ABL2: variants seen among roughly 807,000 people sequenced by gnomAD.
The protein encoded by ABL2 is ABL proto-oncogene 2, non-receptor tyrosine kinase.
ABL2 carries 49 observed loss-of-function variants against 107.7 expected under a neutral mutation model. That is an observed-to-expected ratio of 0.45 (90% CI 0.36 to 0.58). The LOEUF (loss-of-function observed/expected upper bound fraction) is 0.58, where lower values mean the gene tolerates loss of function less well. Ranked by LOEUF, ABL2 falls within the 20% of genes least tolerant of loss-of-function variation. The pLI, the probability that ABL2 is intolerant of heterozygous loss-of-function variation, is 0.00. For missense variants in ABL2, 1,245 were observed against 1,457.0 expected (o/e 0.85, Z 2.37); for synonymous variants, 549 against 548.6 (o/e 1.00, Z -0.01).
chr1:179,198,179 A>C (rs1661432590), intron 1 of ABL2, among the ~76,000 whole-genome samples: 1 of 151,764 alleles, frequency 6.6e-6, no homozygotes, highest in Non-Finnish European at 1.5e-5. Flanking sequence ...TGCCAAAAAA[A>C]AAAAAAAAAA....
chr1:179,220,424 A>G (rs1350438651), intron 1 of ABL2, among the ~76,000 whole-genome samples: 1 of 152,220 alleles, frequency 6.6e-6, no homozygotes, highest in East Asian at 1.9e-4. Flanking sequence ...CGTTTAAAGC[A>G]GGTTGAGCAC....
At chr1:179,174,669 G>A (rs1336783326) in intron 1 of ABL2, among the ~76,000 whole-genome samples, 2 of 151,704 alleles carry the variant, frequency 1.3e-5, no homozygotes, top group African/African-American at 4.8e-5. Context: ...TACTGGGGCT[G>A]AGCACAGTGG....
chr1:179,213,046 CAAAAAAA>C (rs368969682), intron 1 of ABL2, among the ~76,000 whole-genome samples: 1 of 81,256 alleles, frequency 1.2e-5, no homozygotes, highest in Non-Finnish European at 2.7e-5. Flanking sequence ...AACTCCGTCT[CAAAAAAA>C]AAAAAAAAAA....
intron 5 of ABL2, 73 bp from the exon 6 acceptor site, chr1:179,120,347 C>T: frequency 3.5e-6 from 3 of 863,230 alleles, no homozygotes; most frequent in Non-Finnish European, 5.5e-6. Flanking sequence ...TTTCATTCAT[C>T]TCACAATCAT....
intron 1 of ABL2, among the ~76,000 whole-genome samples, chr1:179,141,764 T>C (rs1045998479): frequency 2.6e-5 from 4 of 152,224 alleles, no homozygotes; most frequent in African/African-American, 7.2e-5. Context: ...ACAATCTGTC[T>C]GCACAGGATA....
At chr1:179,113,889 G>A (rs1206971168) in intron 9 of ABL2, among the ~76,000 whole-genome samples, 5 of 151,292 alleles carry the variant, frequency 3.3e-5, no homozygotes, top group African/African-American at 9.7e-5. Context: ...AGCCGAGATC[G>A]CGCCACTGCA....
intron 1 of ABL2, among the ~76,000 whole-genome samples, chr1:179,207,349 A>T (rs571755042): frequency 1.3e-5 from 2 of 152,168 alleles, no homozygotes; most frequent in Admixed American, 6.5e-5. Flanking sequence ...ACTATACATT[A>T]TAAGTCCAGA....
At chr1:179,229,210 C>CCCCCCCCCCCGGG in intron 1 of ABL2, 31 bp downstream of exon 1, 1 of 1,489,018 alleles carries the variant, frequency 6.7e-7, no homozygotes, top group East Asian at 2.8e-5. Context: ...GCCTCCCCCA[C>CCCCCCCCCCCGGG]GCTCTCATGC....
chr1:179,171,685 G>C (rs1388224429), intron 1 of ABL2, among the ~76,000 whole-genome samples: 1 of 152,096 alleles, frequency 6.6e-6, no homozygotes, highest in Non-Finnish European at 1.5e-5. Flanking sequence ...ACCATGCCCA[G>C]CTAACTATTT....
At position 179,108,904 on chromosome 1, in the gene ABL2, G is replaced by A. The variant is rs2102578307; in HGVS notation, c.2363C>T (p.Ser788Phe). 1.2e-6 allele frequency: 2 copies of A among 1,614,196 alleles called. No individual in the cohort carries two copies. Among genetic ancestry groups the A allele is most frequent in the Non-Finnish European group, 1.7e-6 (2 of 1,180,040 alleles). Residue 788 changes from serine to phenylalanine, a missense_variant, in exon 12 of 12, where the codon TCC (serine) becomes TTC (phenylalanine). Physicochemically the swap from Ser to Phe is radical, Grantham distance 155. Transcript: ENST00000502732. ...CCTATCCTGCTCTGGAAGCCCTGAG[G>A]ACATGGAAGATGTAGAGTTTGACCT... ...FPRSNSTSSM[S>F]SGLPEQDRMA...
chr1:179,222,879 G>A (rs1424780860), intron 1 of ABL2, among the ~76,000 whole-genome samples: 2 of 151,948 alleles, frequency 1.3e-5, no homozygotes, highest in African/African-American at 4.8e-5. Flanking sequence ...GAGAGGCTGA[G>A]GTGGGCGGAT....
intron 1 of ABL2, among the ~76,000 whole-genome samples, chr1:179,170,627 G>A (rs569144337): frequency 3.0e-4 from 46 of 151,876 alleles, no homozygotes; most frequent in African/African-American, 1.1e-3. Context: ...AGGGAGTCTC[G>A]CTCTGTCACC....
At chr1:179,128,338 G>T (rs575754286) in intron 3 of ABL2, among the ~76,000 whole-genome samples, 2 of 151,146 alleles carry the variant, frequency 1.3e-5, no homozygotes, top group South Asian at 4.2e-4. Flanking sequence ...CATATTTACA[G>T]GAAGAAAAAA....
chr1:179,187,778 T>C (rs1660757223), intron 1 of ABL2, among the ~76,000 whole-genome samples: 1 of 152,198 alleles, frequency 6.6e-6, no homozygotes, highest in African/African-American at 2.4e-5. Context: ...CTGTATCTAG[T>C]ACAGTGTTGT....
intron 1 of ABL2, among the ~76,000 whole-genome samples, chr1:179,214,505 C>T (rs968851502): frequency 2.5e-5 from 3 of 119,182 alleles, no homozygotes; most frequent in African/African-American, 9.1e-5. Context: ...AATGGAACAA[C>T]AGTTTTAAAA....
chr1:179,140,937 C>T (rs1327841684), intron 1 of ABL2, among the ~76,000 whole-genome samples: 1 of 151,800 alleles, frequency 6.6e-6, no homozygotes, highest in Non-Finnish European at 1.5e-5. Flanking sequence ...GTCAGGAGTT[C>T]GAGACCAGTC....
intron 1 of ABL2, among the ~76,000 whole-genome samples, chr1:179,181,125 A>G (rs1660353288): frequency 6.6e-6 from 1 of 152,226 alleles, no homozygotes; most frequent in Admixed American, 6.5e-5. Flanking sequence ...TTCTTGTTCC[A>G]TCTTCCACCC....
Position 179,107,363 on chromosome 1 carries a change from C to T in ABL2, c.*355G>A. On this transcript the variant is annotated 3_prime_UTR_variant, in exon 12 of 12. Coordinates refer to ENST00000502732, the MANE Select transcript of ABL2 (RefSeq NM_007314.4). ...CCTACCAGAGCCCCAGGTCTGGGTGCAGCTGCTGCAGTCTTGCTGAGAGCA... is the reference window on the plus strand; with the variant it reads ...CCTACCAGAGCCCCAGGTCTGGGTGTAGCTGCTGCAGTCTTGCTGAGAGCA... 3.6e-6 allele frequency: 1 copy of T among 277,566 alleles called. No individual in the cohort carries two copies. Among genetic ancestry groups the T allele is most frequent in the Non-Finnish European group, 6.9e-6 (1 of 145,150 alleles). 17.2% of individuals were successfully genotyped at this position (277,566 alleles called of 1,614,324 possible).
Position 179,105,516 on chromosome 1 carries a change from G to A in ABL2, c.*2202C>T, listed in dbSNP as rs1653409173. On this transcript the variant is annotated 3_prime_UTR_variant, in exon 12 of 12. Transcript: ENST00000502732. ...ATGAGCAAGAATGGCAGGAAAGAAG[G>A]TGGGAGAAGGACCGCTGGTTTTTAC... 8.7e-6 allele frequency: 2 copies of A among 229,646 alleles called. No homozygotes were observed. The highest frequency in any genetic ancestry group is 1.7e-5 in the Non-Finnish European group (2 of 115,830). The allele number at this position is 229,646 out of a possible 1,614,324, so 14.2% of individuals were successfully genotyped here.
Sources: gnomAD v4.1 joint callset for allele counts (sites outside exome capture counted in the v4.1 genomes callset) on GRCh38, gnomAD v4.1.1 for gene constraint, MANE v1.5 for transcripts, NCBI Gene and HGNC (gene_info 2026-07-23, HGNC 2026-07-21) for gene names.